Variants in NDUFAF5 observed in about 807,000 individuals in gnomAD.
The protein encoded by NDUFAF5 is NADH:ubiquinone oxidoreductase complex assembly factor 5.
A neutral mutation model predicts 48.9 loss-of-function variants in NDUFAF5; 34 were observed. The observed-to-expected ratio is 0.70, with a 90% confidence interval of 0.53 to 0.93. The LOEUF (loss-of-function observed/expected upper bound fraction) is 0.93. Among genes scored for constraint, NDUFAF5 ranks in the 40% least tolerant of loss-of-function variants. The pLI is 0.00. For missense variants in NDUFAF5, 428 were observed against 427.5 expected (o/e 1.00, Z -0.01); for synonymous variants, 153 against 150.6 (o/e 1.02, Z -0.12).
intron 7 of NDUFAF5, among the ~76,000 whole-genome samples, chr20:13,803,778 AT>A (rs1984571712): frequency 1.3e-5 from 2 of 150,642 alleles, no homozygotes; most frequent in African/African-American, 4.9e-5. Flanking sequence ...AAATAACTAT[AT>A]TTTCTTTTAA....
In NDUFAF5 at chr20:13,806,916, CTG is replaced by C. The variant is rs1038074695; in HGVS notation, c.718-1924_718-1923del. Among the ~76,000 whole-genome samples, 3 of 152,328 alleles carry C rather than the reference CTG, an allele frequency of 2.0e-5. No individual in the cohort carries two copies. The South Asian group carries it at 6.2e-4, about 32-fold the overall frequency. ...AGTCTCCTCTTCCTGACTTCTCCCT[CTG>C]TTGCCCAGGCTAGAGTGCAGTGGCG... On this transcript the variant is annotated intron_variant, in intron 7 of 10. Coordinates refer to ENST00000378106, the MANE Select transcript of NDUFAF5 (RefSeq NM_024120.5).
intron 6 of NDUFAF5, among the ~76,000 whole-genome samples, chr20:13,801,215 G>A (rs1186939406): frequency 6.6e-6 from 1 of 152,044 alleles, no homozygotes; most frequent in Non-Finnish European, 1.5e-5. Flanking sequence ...ATAAAACTAA[G>A]TTGTATACCT....
intron 7 of NDUFAF5, 136 bp downstream of exon 7, chr20:13,801,819 G>A: frequency 1.4e-6 from 1 of 692,170 alleles, no homozygotes. Context: ...CTTTTTAAGG[G>A]AAAAGCTCTG....
rs71188187 is a variant in NDUFAF5, at chr20:13,787,065, A to ATG, written c.223-229_223-228dup. ...TGGAATGTAAAGGCCACATATATAT[A>ATG]TGTGTGTGTGTGTGTGTGTATATGT... On this transcript the variant is annotated intron_variant, in intron 1 of 10. Transcript: ENST00000378106. 0.14 allele frequency: 73,361 copies of ATG among 506,530 alleles called. 3,700 individuals are homozygous for ATG. The highest frequency in any genetic ancestry group is 0.2 in the Admixed American group (6,409 of 31,286). The allele number at this position is 506,530 out of a possible 1,614,324, so 31.4% of individuals were successfully genotyped here.
Position 13,785,039 on chromosome 20 carries a change from A to C in NDUFAF5, c.-30A>C. On this transcript the variant is annotated 5_prime_UTR_variant, in exon 1 of 11. Transcript: ENST00000378106. ...AGCCGCGCTGGCGCATGCGCACAAA[A>C]AGCGCCGGCAATTGGGGTCGCAGCT... 1 of 1,593,890 alleles carries C rather than the reference A, an allele frequency of 6.3e-7. No homozygotes were observed. The highest frequency in any genetic ancestry group is 8.5e-7 in the Non-Finnish European group (1 of 1,170,682).
intron 1 of NDUFAF5, among the ~76,000 whole-genome samples, chr20:13,786,292 G>A (rs1027271798): frequency 5.3e-5 from 8 of 152,120 alleles, no homozygotes; most frequent in African/African-American, 1.9e-4. Flanking sequence ...GTCTTAGGCT[G>A]GTAATGTCTA....
At chr20:13,785,978 G>C (rs1465196733) in intron 1 of NDUFAF5, among the ~76,000 whole-genome samples, 1 of 152,130 alleles carries the variant, frequency 6.6e-6, no homozygotes, top group East Asian at 1.9e-4. Context: ...AGGGGAATGT[G>C]AAGCTCTTGT....
intron 8 of NDUFAF5, among the ~76,000 whole-genome samples, chr20:13,814,767 G>T (rs1371295031): frequency 6.6e-6 from 1 of 152,148 alleles, no homozygotes; most frequent in East Asian, 1.9e-4. Context: ...TTACTCTTTT[G>T]TAGATGGCAA....
intron 7 of NDUFAF5, among the ~76,000 whole-genome samples, chr20:13,805,474 C>T (rs1221056083): frequency 2.6e-5 from 4 of 151,966 alleles, no homozygotes; most frequent in Non-Finnish European, 1.5e-5. Flanking sequence ...TAAAAATGAG[C>T]CTAATGACTC....
chr20:13,807,989 A>G (rs1332443802), intron 7 of NDUFAF5, among the ~76,000 whole-genome samples: 2 of 152,128 alleles, frequency 1.3e-5, no homozygotes, highest in African/African-American at 4.8e-5. Context: ...TCCAATAAGA[A>G]TAAACCCCTA....
intron 2 of NDUFAF5, 35 bp from the exon 3 acceptor site, chr20:13,788,554 T>C (rs992347816): frequency 2.0e-6 from 3 of 1,482,402 alleles, no homozygotes; most frequent in South Asian, 1.1e-5. Flanking sequence ...GACTGTGTTA[T>C]GGACAGAGCA....
chr20:13,816,571 C>T (rs377470671), intron 9 of NDUFAF5, 25 bp downstream of exon 9: 94 of 1,585,936 alleles, frequency 5.9e-5, no homozygotes, highest in Non-Finnish European at 7.5e-5. Flanking sequence ...CTCTTTCACC[C>T]GCCTCACCAA....
Position 13,820,335 on chromosome 20 carries a change from C to G in NDUFAF5, c.*3125C>G, listed in dbSNP as rs2147645011. On this transcript the variant is annotated 3_prime_UTR_variant, in exon 11 of 11. Coordinates refer to ENST00000378106, the MANE Select transcript of NDUFAF5 (RefSeq NM_024120.5). ...AGGGAAGTTTATATATTTTTTCAAA[C>G]TCTTTTAGTACCATTTTCATCCACT... 1 of 152,186 alleles carries G rather than the reference C, an allele frequency of 6.6e-6. No individual in the cohort carries two copies. The highest frequency in any genetic ancestry group is 2.4e-5 in the African/African-American group (1 of 41,512). The allele number at this position is 152,186 out of a possible 1,614,324, so 9.4% of individuals were successfully genotyped here.
Position 13,787,471 on chromosome 20 carries a change from G to C in NDUFAF5, c.263+119G>C, listed in dbSNP as rs565248520. 42 of 921,652 alleles carry C rather than the reference G, an allele frequency of 4.6e-5. No individual in the cohort carries two copies. In the East Asian group the frequency reaches 7.2e-4, roughly 16 times the overall value. The allele number at this position is 921,652 out of a possible 1,614,324, so 57.1% of individuals were successfully genotyped here. ...CCTGGAAGAATTTACTCAGACTGGT[G>C]ATTTAAATCACTCTGTAAGTCTCCT... is the stretch of plus-strand genomic sequence containing the variant. On this transcript the variant is annotated intron_variant, in intron 2 of 10. Transcript: ENST00000378106.
intron 4 of NDUFAF5, among the ~76,000 whole-genome samples, chr20:13,793,547 T>C (rs1982685261): frequency 6.6e-6 from 1 of 152,188 alleles, no homozygotes; most frequent in Non-Finnish European, 1.5e-5. Flanking sequence ...TGTCAGTGAA[T>C]TTATACTTAT....
intron 6 of NDUFAF5, among the ~76,000 whole-genome samples, chr20:13,799,346 GCT>G (rs1180765961): frequency 1.3e-5 from 2 of 152,116 alleles, no homozygotes; most frequent in African/African-American, 2.4e-5. Flanking sequence ...CCGTTACTGT[GCT>G]CTGTTTTATA....
rs1313723835 is a variant in NDUFAF5 at position 13,817,798 on chromosome 20, T to C, written c.*588T>C. The C allele has an allele frequency of 2.3e-6, 1 of 438,534 alleles. No individual in the cohort carries two copies. The highest frequency in any genetic ancestry group is 7.1e-5 in the East Asian group (1 of 14,110). The allele number at this position is 438,534 out of a possible 1,614,324, so 27.2% of individuals were successfully genotyped here. On this transcript the variant is annotated 3_prime_UTR_variant, in exon 11 of 11. Coordinates refer to ENST00000378106, the MANE Select transcript of NDUFAF5 (RefSeq NM_024120.5). ...AGAAGTAGAATCACATGTAACAGTC[T>C]CTGCACAGTCATCAGTTTATTGTTA... is the stretch of plus-strand genomic sequence containing the variant.
chr20:13,794,308 C>G (rs894264131), intron 4 of NDUFAF5, among the ~76,000 whole-genome samples: 26 of 151,290 alleles, frequency 1.7e-4, no homozygotes, highest in Admixed American at 1.5e-3. Context: ...CTGAGACAGT[C>G]TTGCACTGTT....
intron 1 of NDUFAF5, among the ~76,000 whole-genome samples, 156 bp downstream of exon 1, chr20:13,785,446 C>T (rs1363046757): frequency 1.3e-5 from 2 of 152,360 alleles, no homozygotes; most frequent in African/African-American, 2.4e-5. Flanking sequence ...TCACGCAAGG[C>T]CTGGCCTCGG....
Sources: allele counts gnomAD v4.1 joint callset (sites outside exome capture counted in the v4.1 genomes callset), GRCh38; gene constraint gnomAD v4.1.1; transcripts MANE v1.5; gene names NCBI Gene and HGNC (gene_info 2026-07-23, HGNC 2026-07-21).